Variants in FKTN observed in about 807,000 individuals in gnomAD.
The protein encoded by FKTN is fukutin.
In FKTN, 47 loss-of-function variants were observed where a neutral mutation model predicts 58.6. The observed-to-expected ratio is 0.80, with a 90% CI of 0.63 to 1.02. FKTN has a LOEUF of 1.02. FKTN is among the 50% of genes least tolerant of loss of function. The pLI, the probability that FKTN is intolerant of heterozygous loss-of-function variation, is 0.00. For synonymous variants in FKTN, 178 were observed against 191.9 expected (o/e 0.93, Z 0.60); for missense variants, 516 against 537.3 (o/e 0.96, Z 0.39).
At chr9:105,595,338 A>G (rs1005776671) in intron 3 of FKTN, among the ~76,000 whole-genome samples, 1 of 152,222 alleles carries the variant, frequency 6.6e-6, no homozygotes, top group African/African-American at 2.4e-5. Flanking sequence ...ATAAAGCTAT[A>G]TAAAAATAAC....
intron 1 of FKTN, 73 bp from the exon 2 acceptor site, chr9:105,573,582 T>C (rs1841156572): frequency 6.6e-6 from 1 of 151,896 alleles, no homozygotes; most frequent in African/African-American, 2.4e-5. Flanking sequence ...GAGCTATGAT[T>C]GCACCATTAT....
Position 105,580,328 on chromosome 9 carries a change from T to G in FKTN, c.105+5191T>G, listed in dbSNP as rs997177797. ...ACCGGTTGTTCCTTTCCATGTTTAG[T>G]GCTTCCTTCAGGAGCTCTTTTAGGG... On this transcript the variant is annotated intron_variant, in intron 3 of 10. Transcript: ENST00000357998. 2.7e-4 allele frequency among the ~76,000 whole-genome samples: 41 copies of G among 152,190 alleles called. 1 individual carries two copies. Among genetic ancestry groups the G allele is most frequent in the African/African-American group, 9.9e-4 (41 of 41,522 alleles).
chr9:105,630,715 G>T (rs1394559933), intron 10 of FKTN, among the ~76,000 whole-genome samples: 1 of 152,116 alleles, frequency 6.6e-6, no homozygotes, highest in East Asian at 1.9e-4. Context: ...GTAATTCTCT[G>T]TATTAAAGGA....
rs988842962 is a variant in FKTN, at chr9:105,604,412, G to T, written c.567G>T (p.Leu189Phe). ...RSGNYLWHGHLRLKEHIDRKF... is the reference protein window; with the variant it reads ...RSGNYLWHGHFRLKEHIDRKF... Reference sequence around the variant, plus strand: ...GCAACTACCTCTGGCACGGCCACTTGAGACTTAAAGAACACATTGACAGGA... The same window carrying T: ...GCAACTACCTCTGGCACGGCCACTTTAGACTTAAAGAACACATTGACAGGA... Residue 189 changes from leucine to phenylalanine, a missense_variant, in exon 6 of 11, where the codon TTG becomes TTT. Transcript: ENST00000357998. The T allele has an allele frequency of 6.2e-7, 1 of 1,614,018 alleles. No homozygotes were observed. Among genetic ancestry groups the T allele is most frequent in the Non-Finnish European group, 8.5e-7 (1 of 1,179,904 alleles).
At chr9:105,561,069 A>G (rs1418615194) in intron 1 of FKTN, among the ~76,000 whole-genome samples, 1 of 151,390 alleles carries the variant, frequency 6.6e-6, no homozygotes, top group Admixed American at 6.6e-5. Context: ...CTGGCAACAG[A>G]GCAAGAATCC....
chr9:105,607,477 A>G (rs1829103845), intron 6 of FKTN, among the ~76,000 whole-genome samples: 2 of 152,040 alleles, frequency 1.3e-5, no homozygotes, highest in African/African-American at 4.8e-5. Context: ...TCTTATTAAA[A>G]TTGCTAATTG....
At position 105,607,902 on chromosome 9, in the gene FKTN, A is replaced by G. The variant is rs774796040; in HGVS notation, c.731A>G (p.His244Arg). ...ATGCACTTTGTAGAAGAAGTACCAC[A>G]CTCTAGGTTTATTGAGTGTAGGTAT... ...DPMHFVEEVPHSRFIECRYKE... is the reference protein window; with the variant it reads ...DPMHFVEEVPRSRFIECRYKE... Residue 244 changes from histidine to arginine, a missense_variant, in exon 7 of 11, where the codon CAC becomes CGC. Transcript: ENST00000357998. 6.2e-7 allele frequency: 1 copy of G among 1,611,608 alleles called. No homozygotes were observed. Among genetic ancestry groups the G allele is most frequent in the African/African-American group, 1.3e-5 (1 of 74,834 alleles).
In FKTN at chr9:105,610,728, T is replaced by C. The variant is rs185105496; in HGVS notation, c.780+2777T>C. On this transcript the variant is annotated intron_variant, in intron 7 of 10. Coordinates refer to ENST00000357998, the MANE Select transcript of FKTN (RefSeq NM_001079802.2). Reference sequence around the variant, plus strand: ...CCCCACACTGGACACTCTCCTACTCTCTTCATGTGGATGTCCTCATTACCT... The same window carrying C: ...CCCCACACTGGACACTCTCCTACTCCCTTCATGTGGATGTCCTCATTACCT... Among the ~76,000 whole-genome samples, 107 of 152,092 alleles carry C rather than the reference T, an allele frequency of 7.0e-4. 3 individuals are homozygous for C. Among genetic ancestry groups the C allele is most frequent in the African/African-American group, 2.5e-3 (105 of 41,402 alleles).
chr9:105,601,430 A>G lies in FKTN; in HGVS notation c.369+82A>G. ...TTTAGGCTAGTTTAAAATGTAAAAC[A>G]TTAAAAATTTTTCCTGAAACACTTT... On this transcript the variant is annotated intron_variant, in intron 5 of 10. Coordinates refer to ENST00000357998, the MANE Select transcript of FKTN (RefSeq NM_001079802.2). The G allele has an allele frequency of 2.9e-6, 3 of 1,024,442 alleles. No homozygotes were observed. The Admixed American group carries it at 6.0e-5, about 20-fold the overall frequency. The allele number at this position is 1,024,442 out of a possible 1,614,324, so 63.5% of individuals were successfully genotyped here.
intron 10 of FKTN, among the ~76,000 whole-genome samples, chr9:105,621,522 T>C (rs147194425): frequency 1.4e-4 from 21 of 152,108 alleles, no homozygotes; most frequent in Admixed American, 1.3e-4. Flanking sequence ...AAAGTTAACC[T>C]TTCTCCATCC....
At chr9:105,634,608 G>T (rs975388657) in intron 10 of FKTN, among the ~76,000 whole-genome samples, 1 of 152,186 alleles carries the variant, frequency 6.6e-6, no homozygotes, top group Admixed American at 6.5e-5. Flanking sequence ...GAAAAGCCTG[G>T]AAATGCAACT....
At chr9:105,561,220 G>A (rs768979971) in intron 1 of FKTN, among the ~76,000 whole-genome samples, 5 of 152,120 alleles carry the variant, frequency 3.3e-5, no homozygotes, top group Non-Finnish European at 7.4e-5. Flanking sequence ...GCAGCAGTGA[G>A]CTATGATTGT....
chr9:105,637,241 T>C lies in FKTN; in HGVS notation c.*1977T>C, dbSNP rs542236914. 43 of 985,150 alleles carry C rather than the reference T, an allele frequency of 4.4e-5. No homozygotes were observed. The East Asian group carries it at 1.8e-3, about 41-fold the overall frequency. 61.0% of individuals were successfully genotyped at this position (985,150 alleles called of 1,614,324 possible). On this transcript the variant is annotated 3_prime_UTR_variant, in exon 11 of 11. Transcript: ENST00000357998. The stretch of plus-strand genomic sequence containing the variant: ...ATTTCTCCCCATTTCCAATTGGGAC[T>C]CCCATTCTTTGCCAGGAGATCTTAC...
chr9:105,558,664 A>G (rs1208123769), intron 1 of FKTN, among the ~76,000 whole-genome samples: 1 of 151,842 alleles, frequency 6.6e-6, no homozygotes, highest in Non-Finnish European at 1.5e-5. Flanking sequence ...CCTAGATGAT[A>G]TATCAGATTC....
chr9:105,628,667 T>C (rs1833033673), intron 10 of FKTN, among the ~76,000 whole-genome samples: 1 of 152,174 alleles, frequency 6.6e-6, no homozygotes, highest in South Asian at 2.1e-4. Context: ...GCAACCCAAA[T>C]GCCCATCTTC....
intron 1 of FKTN, among the ~76,000 whole-genome samples, chr9:105,562,452 CCAGAATGCAAAGGT>C (rs1264641716): frequency 6.6e-6 from 1 of 152,086 alleles, no homozygotes; most frequent in Non-Finnish European, 1.5e-5. Flanking sequence ...GTCAGTTGGT[CCAGAATGCAAAGGT>C]CTGAAAAATA....
intron 10 of FKTN, among the ~76,000 whole-genome samples, chr9:105,630,383 C>G (rs375668022): frequency 6.6e-6 from 1 of 152,100 alleles, no homozygotes; most frequent in African/African-American, 2.4e-5. Flanking sequence ...TCAAAAAGAT[C>G]TAGATAACCT....
chr9:105,614,715 C>G (rs1830495841), intron 7 of FKTN, among the ~76,000 whole-genome samples: 1 of 152,140 alleles, frequency 6.6e-6, no homozygotes, highest in Non-Finnish European at 1.5e-5. Flanking sequence ...AAAAGGATGT[C>G]TCATCCTTTG....
chr9:105,638,563 C>G lies in FKTN; in HGVS notation c.*3299C>G. 1.0e-6 allele frequency: 1 copy of G among 985,364 alleles called. No homozygotes were observed. The highest frequency in any genetic ancestry group is 1.2e-6 in the Non-Finnish European group (1 of 829,938). 61.0% of individuals were successfully genotyped at this position (985,364 alleles called of 1,614,324 possible). ...CTAAATGCCTGTATTTGAAGTCTCT[C>G]CCCTTCCTGAAGTGACCTTTTATGA... On this transcript the variant is annotated 3_prime_UTR_variant, in exon 11 of 11. Coordinates refer to ENST00000357998, the MANE Select transcript of FKTN (RefSeq NM_001079802.2).
Sources: gnomAD v4.1 joint callset for allele counts (sites outside exome capture counted in the v4.1 genomes callset) on GRCh38, gnomAD v4.1.1 for gene constraint, MANE v1.5 for transcripts, NCBI Gene and HGNC (gene_info 2026-07-23, HGNC 2026-07-21) for gene names.